TOX3: variants seen among roughly 807,000 people sequenced by gnomAD.
TOX3 encodes the protein TOX high mobility group box family member 3.
A neutral mutation model predicts 64.3 loss-of-function variants in TOX3; 22 were observed. The observed-to-expected ratio is 0.34, with a 90% CI of 0.24 to 0.49. The LOEUF (loss-of-function observed/expected upper bound fraction) is 0.49. Among genes scored for constraint, TOX3 ranks in the 20% least tolerant of loss-of-function variants. TOX3 has a pLI of 0.99. For missense variants in TOX3, 661 were observed against 714.4 expected (o/e 0.93, Z 0.85); for synonymous variants, 291 against 273.6 (o/e 1.06, Z -0.63).
At chr16:52,468,203 C>A (rs1378665619) in intron 2 of TOX3, among the ~76,000 whole-genome samples, 1 of 152,112 alleles carries the variant, frequency 6.6e-6, no homozygotes, top group Non-Finnish European at 1.5e-5. Flanking sequence ...TGCTTAGATA[C>A]CAACACTGTA....
intron 1 of TOX3, among the ~76,000 whole-genome samples, chr16:52,487,565 T>C (rs1050402466): frequency 2.0e-4 from 31 of 152,294 alleles, no homozygotes; most frequent in African/African-American, 7.5e-4. Context: ...GGAAAGTATC[T>C]GAATGTGTTC....
chr16:52,517,370 A>G (rs1329253657), intron 1 of TOX3, among the ~76,000 whole-genome samples: 1 of 152,140 alleles, frequency 6.6e-6, no homozygotes, highest in East Asian at 1.9e-4. Context: ...AGAAAGGATT[A>G]GGCAGAGAAA....
In TOX3 at chr16:52,480,989, A is replaced by G. The variant is rs1209208180; in HGVS notation, c.88-12415T>C. On this transcript the variant is annotated intron_variant, in intron 1 of 6. Coordinates refer to ENST00000219746, the MANE Select transcript of TOX3 (RefSeq NM_001080430.4). ...AGGGGATAAAGGCCAGGGTGTCACTAAACATCCTACAATTCACGGGGCGGC... is the reference window on the plus strand; with the variant it reads ...AGGGGATAAAGGCCAGGGTGTCACTGAACATCCTACAATTCACGGGGCGGC... Among the ~76,000 whole-genome samples the G allele has an allele frequency of 2.0e-5, 3 of 152,162 alleles. 1 individual carries two copies. Among genetic ancestry groups the G allele is most frequent in the South Asian group, 4.2e-4 (2 of 4,810 alleles).
chr16:52,537,139 A>G (rs181421443), intron 1 of TOX3, among the ~76,000 whole-genome samples: 60 of 152,184 alleles, frequency 3.9e-4, no homozygotes, highest in African/African-American at 1.4e-3. Context: ...CCACTTCAAA[A>G]TGTCACCCTC....
At chr16:52,500,412 C>T (rs954232841) in intron 1 of TOX3, among the ~76,000 whole-genome samples, 28 of 152,224 alleles carry the variant, frequency 1.8e-4, no homozygotes, top group Admixed American at 1.6e-3. Flanking sequence ...AATCGGCATT[C>T]GATCATATGA....
rs1168498170 is a variant in TOX3 at position 52,465,005 on chromosome 16, CTTTTTTTTTTTTTTTTTTT to C, written c.154-836_154-818del. Among the ~76,000 whole-genome samples the C allele has an allele frequency of 7.9e-4, 56 of 70,958 alleles. 1 individual carries two copies. The highest frequency in any genetic ancestry group is 5.8e-3 in the South Asian group (9 of 1,556). The allele number at this position is 70,958 out of a possible 152,430, so 46.6% of individuals were successfully genotyped here. On this transcript the variant is annotated intron_variant, in intron 2 of 6. Transcript: ENST00000219746. ...AGACCTAAGTAAGTCTTAATGCATTCTTTTTTTTTTTTTTTTTTTTTTTTTTTGAGACAGAGTCTCGCTC... is the reference window on the plus strand; with the variant it reads ...AGACCTAAGTAAGTCTTAATGCATTCTTTTTTTTGAGACAGAGTCTCGCTC...
chr16:52,446,677 T>A (rs1309775189), intron 4 of TOX3, among the ~76,000 whole-genome samples: 2 of 64,308 alleles, frequency 3.1e-5, no homozygotes, highest in Admixed American at 2.7e-4. Flanking sequence ...CTGTCTGAAT[T>A]GATTTTTTTT....
At chr16:52,528,361 G>A (rs994646687) in intron 1 of TOX3, among the ~76,000 whole-genome samples, 2 of 151,762 alleles carry the variant, frequency 1.3e-5, no homozygotes, top group South Asian at 2.1e-4. Context: ...GGAGTAGGTG[G>A]GTTTATAACC....
chr16:52,519,976 CAAAAAA>C (rs61541718), intron 1 of TOX3, among the ~76,000 whole-genome samples: 1 of 127,594 alleles, frequency 7.8e-6, no homozygotes, highest in South Asian at 2.6e-4. Flanking sequence ...GTCTCAAAAA[CAAAAAA>C]AAAAAAAAAA....
In TOX3 at chr16:52,444,413, T is replaced by C. The variant is rs145593050; in HGVS notation, c.907-57A>G. ...AGCGTATAAATTCTCAGCTATAAAA[T>C]AGCTGCTGCACAAATTAGGTCACAT... On this transcript the variant is annotated intron_variant, in intron 5 of 6. Transcript: ENST00000219746. 269 of 1,419,426 alleles carry C rather than the reference T, an allele frequency of 1.9e-4. 1 individual carries two copies. In the African/African-American group the frequency reaches 3.4e-3, roughly 18 times the overall value. The allele number at this position is 1,419,426 out of a possible 1,614,324, so 87.9% of individuals were successfully genotyped here.
At chr16:52,540,850 G>A (rs564610000) in intron 1 of TOX3, among the ~76,000 whole-genome samples, 22 of 152,286 alleles carry the variant, frequency 1.4e-4, no homozygotes, top group African/African-American at 5.3e-4. Context: ...AATCAAAGAA[G>A]GGCTCTTCAA....
At chr16:52,477,744 C>G (rs1961254074) in intron 1 of TOX3, among the ~76,000 whole-genome samples, 1 of 152,166 alleles carries the variant, frequency 6.6e-6, no homozygotes, top group Non-Finnish European at 1.5e-5. Context: ...ATTTTCCCAT[C>G]AATAAAACAG....
At chr16:52,519,729 A>G in intron 1 of TOX3, 1 of 597,394 alleles carries the variant, frequency 1.7e-6, no homozygotes, top group Non-Finnish European at 2.5e-6. Context: ...AGGCCAACAC[A>G]GCAGGAGCTC....
chr16:52,537,057 T>C (rs11648477), intron 1 of TOX3, among the ~76,000 whole-genome samples: 24,462 of 151,754 alleles, frequency 0.16, 2,282 homozygotes, highest in Middle Eastern at 0.26. Flanking sequence ...ATTCAATAGC[T>C]CTCTCACTCT....
At chr16:52,483,398 A>G (rs1436235104) in intron 1 of TOX3, among the ~76,000 whole-genome samples, 2 of 152,120 alleles carry the variant, frequency 1.3e-5, no homozygotes, top group Admixed American at 1.3e-4. Context: ...CTAGAAGGGG[A>G]GAGCTGGGAA....
At chr16:52,502,069 C>A (rs992440639) in intron 1 of TOX3, among the ~76,000 whole-genome samples, 5 of 152,192 alleles carry the variant, frequency 3.3e-5, no homozygotes, top group African/African-American at 1.2e-4. Flanking sequence ...TAGTAATACA[C>A]AGTTTTCTGA....
chr16:52,500,627 A>G (rs1284620533), intron 1 of TOX3, among the ~76,000 whole-genome samples: 1 of 152,234 alleles, frequency 6.6e-6, no homozygotes, highest in Non-Finnish European at 1.5e-5. Context: ...AGAATAATGC[A>G]TATGCCAATA....
At chr16:52,481,545 A>T (rs1961368744) in intron 1 of TOX3, among the ~76,000 whole-genome samples, 1 of 152,234 alleles carries the variant, frequency 6.6e-6, no homozygotes, top group African/African-American at 2.4e-5. Flanking sequence ...CATATATAAC[A>T]TATAATCACT....
rs527704585 is a variant in TOX3, at chr16:52,483,652, T to C, written c.88-15078A>G. Among the ~76,000 whole-genome samples the C allele has an allele frequency of 1.4e-4, 19 of 133,388 alleles. No homozygotes were observed. The South Asian group carries it at 2.4e-3, about 17-fold the overall frequency. The allele number at this position is 133,388 out of a possible 152,430, so 87.5% of individuals were successfully genotyped here. Reference sequence around the variant, plus strand: ...GGCGCGATCACGGCTCACTTCAACCTCTGCCTCCTGGGTTCAAGTCATTCT... The same window carrying C: ...GGCGCGATCACGGCTCACTTCAACCCCTGCCTCCTGGGTTCAAGTCATTCT... On this transcript the variant is annotated intron_variant, in intron 1 of 6. Coordinates refer to ENST00000219746, the MANE Select transcript of TOX3 (RefSeq NM_001080430.4).
Sources: allele counts gnomAD v4.1 joint callset (sites outside exome capture counted in the v4.1 genomes callset), GRCh38; gene constraint gnomAD v4.1.1; transcripts MANE v1.5; gene names NCBI Gene and HGNC (gene_info 2026-07-23, HGNC 2026-07-21).